TMPO: variants seen among roughly 807,000 people sequenced by gnomAD.
TMPO encodes thymopoietin.
Under a neutral mutation model 45.4 loss-of-function variants are expected in TMPO, and 22 were observed. The ratio of observed to expected loss-of-function variants is 0.48; its 90% CI spans 0.35 to 0.69. TMPO has a LOEUF of 0.69. Among genes scored for constraint, TMPO ranks in the 30% least tolerant of loss-of-function variants. The probability of loss-of-function intolerance (pLI) is 0.01; values close to 1 mark genes in which losing one functional copy is unlikely to be tolerated. For missense variants in TMPO, 512 were observed against 548.8 expected (o/e 0.93, Z 0.67); for synonymous variants, 241 against 204.1 (o/e 1.18, Z -1.54).
chr12:98,521,980 T>C (rs1876405211), intron 1 of TMPO, among the ~76,000 whole-genome samples: 1 of 152,138 alleles, frequency 6.6e-6, no homozygotes, highest in Admixed American at 6.6e-5. Context: ...TCTGCCCCCC[T>C]TAGCCTCCTA....
In TMPO at chr12:98,545,170, T is replaced by G. The variant is rs543679734; in HGVS notation, c.990+109T>G. 3.4e-5 allele frequency: 26 copies of G among 764,818 alleles called. 1 individual carries two copies. In the East Asian group the frequency reaches 4.5e-4, roughly 13 times the overall value. 47.4% of individuals were successfully genotyped at this position (764,818 alleles called of 1,614,324 possible). A position where few individuals can be genotyped will look rare whatever the true frequency, so the allele number is the denominator to read the frequency against. ...TTTGGAGTGGGAGGGAGCAGAGCTT[T>G]CTTTATTGGGTGGTGTGTGTAAATA... On this transcript the variant is annotated intron_variant, in intron 7 of 8. Transcript: ENST00000556029.
chr12:98,546,513 A>G, intron 8 of TMPO, 66 bp downstream of exon 8: 1 of 1,230,150 alleles, frequency 8.1e-7, no homozygotes, highest in Non-Finnish European at 1.2e-6. Flanking sequence ...TTAATTCTTC[A>G]TCACAAAGTT....
intron 3 of TMPO, chr12:98,532,415 A>G (rs1048862573): frequency 1.0e-5 from 2 of 194,104 alleles, no homozygotes; most frequent in African/African-American, 2.4e-5. Context: ...TCTGTTCTCT[A>G]TTGATAGGCA....
intron 4 of TMPO, among the ~76,000 whole-genome samples, chr12:98,538,145 A>C (rs915610785): frequency 6.6e-6 from 1 of 152,164 alleles, no homozygotes; most frequent in African/African-American, 2.4e-5. Flanking sequence ...AACAGAGAAC[A>C]AATTATTGAC....
chr12:98,546,530 C>T, intron 8 of TMPO, 83 bp downstream of exon 8: 1 of 1,120,354 alleles, frequency 8.9e-7, no homozygotes, highest in Non-Finnish European at 1.4e-6. Flanking sequence ...AGTTACTGTA[C>T]TTCTGCTCAG....
At chr12:98,524,706 G>A (rs1324106031) in intron 1 of TMPO, among the ~76,000 whole-genome samples, 1 of 152,028 alleles carries the variant, frequency 6.6e-6, no homozygotes, top group Non-Finnish European at 1.5e-5. Flanking sequence ...CAATTCTCCT[G>A]CCTCAGCTTC....
intron 2 of TMPO, among the ~76,000 whole-genome samples, chr12:98,530,842 A>T (rs186295310): frequency 6.6e-6 from 1 of 152,228 alleles, no homozygotes; most frequent in Non-Finnish European, 1.5e-5. Context: ...TAAATGCAAG[A>T]CTTCAGTCAA....
At chr12:98,527,744 CTTAAT>C (rs1302629491) in intron 1 of TMPO, 137 bp from the exon 2 acceptor site, 3 of 869,876 alleles carry the variant, frequency 3.4e-6, no homozygotes, top group African/African-American at 3.4e-5. Context: ...ATGAGTTGCT[CTTAAT>C]TTAATGGAAT....
chr12:98,520,665 C>T (rs1227908340), intron 1 of TMPO, among the ~76,000 whole-genome samples: 1 of 150,050 alleles, frequency 6.7e-6, no homozygotes, highest in Non-Finnish European at 1.5e-5. Flanking sequence ...AGTCTGTCAT[C>T]CCAGCTGGAG....
chr12:98,543,813 A>G (rs1878063991), intron 4 of TMPO, among the ~76,000 whole-genome samples: 1 of 152,354 alleles, frequency 6.6e-6, no homozygotes, highest in East Asian at 1.9e-4. Flanking sequence ...CAATTACAAA[A>G]GTTTGTATTT....
At position 98,535,262 on chromosome 12, in the gene TMPO, C is replaced by T. The variant is rs566359893; in HGVS notation, c.566-2213C>T. 2.6e-5 allele frequency: 26 copies of T among 982,614 alleles called. No individual in the cohort carries two copies. In the Admixed American group the frequency reaches 1.6e-3, roughly 60 times the overall value. The allele number at this position is 982,614 out of a possible 1,614,324, so 60.9% of individuals were successfully genotyped here. ...AAAGTTAAGTTTAGCAATATAGACT[C>T]TAAAAGCAAATTAAATTTTTTTAAG... is the stretch of plus-strand genomic sequence containing the variant. On this transcript the variant is annotated intron_variant, in intron 3 of 8. Coordinates refer to ENST00000556029, the MANE Select transcript of TMPO (RefSeq NM_001032283.3).
chr12:98,520,818 C>T (rs767469170), intron 1 of TMPO, among the ~76,000 whole-genome samples: 2 of 149,542 alleles, frequency 1.3e-5, no homozygotes, highest in Admixed American at 6.7e-5. Context: ...GTGATCTGCC[C>T]GCCTCGGCCT....
At chr12:98,531,490 C>T (rs1237739893) in intron 2 of TMPO, among the ~76,000 whole-genome samples, 190 bp from the exon 3 acceptor site, 1 of 152,014 alleles carries the variant, frequency 6.6e-6, no homozygotes, top group Middle Eastern at 3.2e-3. Flanking sequence ...CCGCCTCAGC[C>T]TCCCAAAGTG....
intron 1 of TMPO, among the ~76,000 whole-genome samples, chr12:98,516,930 C>G (rs1171918333): frequency 1.3e-5 from 2 of 152,216 alleles, no homozygotes; most frequent in Admixed American, 6.5e-5. Context: ...CTGCCTCAGC[C>G]TCCCGAGTAG....
At chr12:98,518,263 G>A (rs759392748) in intron 1 of TMPO, among the ~76,000 whole-genome samples, 4 of 151,928 alleles carry the variant, frequency 2.6e-5, no homozygotes, top group Non-Finnish European at 4.4e-5. Context: ...ATTAAACCGT[G>A]AAGTTTTTGG....
At chr12:98,545,922 G>C (rs1379071492) in intron 7 of TMPO, among the ~76,000 whole-genome samples, 1 of 152,092 alleles carries the variant, frequency 6.6e-6, no homozygotes. Context: ...TAGTAGAGAT[G>C]GGATTTCACT....
chr12:98,535,171 T>C, intron 3 of TMPO: 2 of 985,190 alleles, frequency 2.0e-6, no homozygotes, highest in Non-Finnish European at 2.4e-6. Context: ...TCACCATCTA[T>C]TTTGTCAGAT....
rs181500418 is a variant in TMPO, at chr12:98,539,148, C to T, written c.663+1576C>T. 1.8e-3 allele frequency among the ~76,000 whole-genome samples: 274 copies of T among 151,944 alleles called. 1 individual carries two copies. Among genetic ancestry groups the T allele is most frequent in the Admixed American group, 3.1e-3 (47 of 15,252 alleles). ...CTTGGAGGCGGAGGTTGCTGTGAGCCGAGATCGCGCCATTGCACTCTAGCC... is the reference window on the plus strand; with the variant it reads ...CTTGGAGGCGGAGGTTGCTGTGAGCTGAGATCGCGCCATTGCACTCTAGCC... On this transcript the variant is annotated intron_variant, in intron 4 of 8. Transcript: ENST00000556029.
chr12:98,543,821 T>A (rs1345001005), intron 4 of TMPO, among the ~76,000 whole-genome samples: 1 of 152,200 alleles, frequency 6.6e-6, no homozygotes, highest in East Asian at 1.9e-4. Flanking sequence ...AAAGTTTGTA[T>A]TTTTGTTTTA....
Sources: allele counts gnomAD v4.1 joint callset (sites outside exome capture counted in the v4.1 genomes callset), GRCh38; gene constraint gnomAD v4.1.1; transcripts MANE v1.5; gene names NCBI Gene and HGNC (gene_info 2026-07-23, HGNC 2026-07-21).